Variants in U2SURP observed in about 807,000 individuals in gnomAD.
The protein encoded by U2SURP is U2 snRNP associated SURP domain containing, also known as U2 snRNP-associated SURP motif-containing protein.
U2SURP carries 9 observed loss-of-function variants against 144.9 expected under a neutral mutation model. The ratio of observed to expected loss-of-function variants is 0.06; its 90% CI spans 0.04 to 0.11. The LOEUF is 0.11. U2SURP is among the 10% of genes least tolerant of loss of function. The pLI is 1.00. For missense variants in U2SURP, 724 were observed against 1,226.7 expected (o/e 0.59, Z 6.12); for synonymous variants, 408 against 396.8 (o/e 1.03, Z -0.33).
At position 143,041,292 on chromosome 3, in the gene U2SURP, T is replaced by A. The variant is rs528747146; in HGVS notation, c.2385-1825T>A. Among the ~76,000 whole-genome samples the A allele has an allele frequency of 2.1e-3, 314 of 152,006 alleles. 3 individuals are homozygous for A. The highest frequency in any genetic ancestry group is 7.2e-3 in the African/African-American group (298 of 41,520). On this transcript the variant is annotated intron_variant, in intron 23 of 27. Coordinates refer to ENST00000473835, the MANE Select transcript of U2SURP (RefSeq NM_001080415.2). ...ATTTTATGTACCATAAAACAGGAAA[T>A]TCTTGTGTTTTAAAAAAATTAACTA... is the stretch of plus-strand genomic sequence containing the variant.
chr3:143,035,164 T>C (rs918513261), intron 19 of U2SURP, among the ~76,000 whole-genome samples, 189 bp downstream of exon 19: 7 of 152,210 alleles, frequency 4.6e-5, no homozygotes, highest in Admixed American at 2.0e-4. Flanking sequence ...GATACTATTT[T>C]GTCAGGTTTA....
At position 143,022,988 on chromosome 3, in the gene U2SURP, C is replaced by A; in HGVS notation, c.1154C>A (p.Ala385Glu). The change falls in exon 12 of 28, where the codon GCG becomes GAG. Residue 385 changes from alanine (A) to glutamate (E), a missense_variant. By Grantham distance (107) the Ala-to-Glu change is moderately radical. Around this residue, in one of 13 missense-constraint regions of U2SURP, gnomAD observed 64 missense variants for 164.1 expected, o/e 0.39. Transcript: ENST00000473835. ...PPPPSGLPFN[A>E]QPRERLKNPN... is the part of the protein sequence containing the mutation. ...CCTCCATCCGGACTGCCTTTTAATG[C>A]GCAGCCTAGAGAGCGGTTAAAAAAC... is the stretch of plus-strand genomic sequence containing the variant. The A allele has an allele frequency of 6.2e-7, 1 of 1,611,634 alleles. No individual in the cohort carries two copies. The highest frequency in any genetic ancestry group is 8.5e-7 in the Non-Finnish European group (1 of 1,178,850).
chr3:143,030,268 C>T (rs1933403656), intron 16 of U2SURP, among the ~76,000 whole-genome samples: 1 of 152,186 alleles, frequency 6.6e-6, no homozygotes, highest in Admixed American at 6.5e-5. Flanking sequence ...GGCTGACTCT[C>T]TTATTAGGGG....
rs1227641842 is a variant in U2SURP at position 143,012,456 on chromosome 3, TC to T, written c.222+104del. On this transcript the variant is annotated intron_variant, in intron 3 of 27. Coordinates refer to ENST00000473835, the MANE Select transcript of U2SURP (RefSeq NM_001080415.2). ...TCGAATATTTGGTTTTGTATGTGTTTCATCTTATTCTATTTGAAAATAGCAT... is the reference window on the plus strand; with the variant it reads ...TCGAATATTTGGTTTTGTATGTGTTTATCTTATTCTATTTGAAAATAGCAT... 2.7e-5 allele frequency: 30 copies of T among 1,120,122 alleles called. No individual in the cohort carries two copies. The African/African-American group carries it at 4.0e-4, about 15-fold the overall frequency. 69.4% of individuals were successfully genotyped at this position (1,120,122 alleles called of 1,614,324 possible).
intron 6 of U2SURP, among the ~76,000 whole-genome samples, 179 bp from the exon 7 acceptor site, chr3:143,019,790 T>G (rs1578127115): frequency 6.6e-6 from 1 of 152,192 alleles, no homozygotes; most frequent in East Asian, 1.9e-4. Flanking sequence ...AATTTAATTG[T>G]TTGTTATTTT....
intron 14 of U2SURP, 75 bp downstream of exon 14, chr3:143,027,328 T>C: frequency 9.0e-7 from 1 of 1,107,554 alleles, no homozygotes; most frequent in Non-Finnish European, 1.3e-6. Flanking sequence ...AGTATACAGT[T>C]CAGTGTCATT....
At chr3:143,045,561 T>C (rs1934390001) in intron 24 of U2SURP, among the ~76,000 whole-genome samples, 1 of 152,208 alleles carries the variant, frequency 6.6e-6, no homozygotes, top group Non-Finnish European at 1.5e-5. Context: ...AATTTAGCTT[T>C]TTTGTTAACT....
chr3:143,045,366 C>CAAAAAAA (rs11356372), intron 24 of U2SURP, among the ~76,000 whole-genome samples: 1 of 75,424 alleles, frequency 1.3e-5, no homozygotes, highest in Non-Finnish European at 2.5e-5. Flanking sequence ...GAGACGCCGT[C>CAAAAAAA]AAAAAAAAAA....
At chr3:143,004,573 A>AC (rs753834748) in intron 1 of U2SURP, among the ~76,000 whole-genome samples, 18,183 of 48,334 alleles carry the variant, frequency 0.38, 4,582 homozygotes, top group Non-Finnish European at 0.4. Context: ...TGACCTTGTG[A>AC]CCCCCCCCCC....
In U2SURP at chr3:143,058,910, T is replaced by C. The variant is rs529702797; in HGVS notation, c.*2460T>C. 6.6e-4 allele frequency: 100 copies of C among 152,014 alleles called. No individual in the cohort carries two copies. Among genetic ancestry groups the C allele is most frequent in the African/African-American group, 2.3e-3 (96 of 41,558 alleles). 9.4% of individuals were successfully genotyped at this position (152,014 alleles called of 1,614,324 possible). A position where few individuals can be genotyped will look rare whatever the true frequency, so the allele number is the denominator to read the frequency against. Reference sequence around the variant, plus strand: ...ACCACAGCTACGTGCCAGAGTTGTTTTCCACAGTTCTTATAAAGGGCATGA... The same window carrying C: ...ACCACAGCTACGTGCCAGAGTTGTTCTCCACAGTTCTTATAAAGGGCATGA... On this transcript the variant is annotated 3_prime_UTR_variant, in exon 28 of 28. Transcript: ENST00000473835.
At position 143,022,477 on chromosome 3, in the gene U2SURP, T is replaced by C; in HGVS notation, c.853-20T>C. 6.8e-7 allele frequency: 1 copy of C among 1,460,746 alleles called. No homozygotes were observed. The allele number at this position is 1,460,746 out of a possible 1,614,324, so 90.5% of individuals were successfully genotyped here. On this transcript the variant is annotated intron_variant, in intron 10 of 27. Transcript: ENST00000473835. Reference sequence around the variant, plus strand: ...TTTTCCCTTTTTTGCATAATAAAAATCTTTTACCCTTTTTAATAGATGAAT... The same window carrying C: ...TTTTCCCTTTTTTGCATAATAAAAACCTTTTACCCTTTTTAATAGATGAAT...
chr3:143,033,717 C>A (rs967310242), intron 18 of U2SURP, among the ~76,000 whole-genome samples: 7 of 152,116 alleles, frequency 4.6e-5, no homozygotes, highest in African/African-American at 1.7e-4. Flanking sequence ...GGAACTTGAG[C>A]ATCTGTGGAT....
At chr3:143,005,928 A>G (rs1394565385) in intron 1 of U2SURP, among the ~76,000 whole-genome samples, 2 of 152,130 alleles carry the variant, frequency 1.3e-5, no homozygotes, top group Non-Finnish European at 2.9e-5. Flanking sequence ...ATTACAAACT[A>G]TTTGCCTCAT....
intron 1 of U2SURP, among the ~76,000 whole-genome samples, chr3:143,004,685 C>G (rs931487873): frequency 6.7e-6 from 1 of 150,264 alleles, no homozygotes; most frequent in African/African-American, 2.5e-5. Flanking sequence ...ACTTGAATGA[C>G]TTACCTTTAT....
chr3:143,010,416 GAGAA>G (rs1200295736), intron 1 of U2SURP, among the ~76,000 whole-genome samples: 1 of 152,190 alleles, frequency 6.6e-6, no homozygotes, highest in African/African-American at 2.4e-5. Flanking sequence ...TGGGTGATTA[GAGAA>G]AGAGAGTTCT....
intron 1 of U2SURP, among the ~76,000 whole-genome samples, chr3:143,007,087 T>G (rs957493268): frequency 6.6e-6 from 1 of 152,194 alleles, no homozygotes; most frequent in Non-Finnish European, 1.5e-5. Flanking sequence ...ACAGGTAGTG[T>G]AGTTGGCTTC....
chr3:143,006,407 C>T lies in U2SURP; in HGVS notation c.46-4408C>T, dbSNP rs182828305. Among the ~76,000 whole-genome samples the T allele has an allele frequency of 6.6e-5, 10 of 152,216 alleles. No individual in the cohort carries two copies. The East Asian group carries it at 9.7e-4, about 15-fold the overall frequency. ...CAAGTCAAGTATATTGAGACTCTGT[C>T]GCTTGCCAGATCTTGTGCTTGATGT... is the stretch of plus-strand genomic sequence containing the variant. On this transcript the variant is annotated intron_variant, in intron 1 of 27. Transcript: ENST00000473835.
intron 6 of U2SURP, among the ~76,000 whole-genome samples, chr3:143,017,655 C>G (rs1202420911): frequency 6.6e-6 from 1 of 151,636 alleles, no homozygotes; most frequent in Non-Finnish European, 1.5e-5. Context: ...GACAGTCTCT[C>G]TGTCACCCAG....
At chr3:143,041,798 G>C (rs1416789040) in intron 23 of U2SURP, among the ~76,000 whole-genome samples, 1 of 151,862 alleles carries the variant, frequency 6.6e-6, no homozygotes, top group East Asian at 1.9e-4. Context: ...AACATAGAAG[G>C]GCTTGCGAGA....
Sources: allele counts gnomAD v4.1 joint callset (sites outside exome capture counted in the v4.1 genomes callset), GRCh38; gene constraint gnomAD v4.1.1; regional missense constraint gnomAD v4.1.1; transcripts MANE v1.5; gene names NCBI Gene and HGNC (gene_info 2026-07-23, HGNC 2026-07-21).